The following CDH18 variants were observed in gnomAD, a reference collection of about 807,000 sequenced individuals.
CDH18 encodes the protein cadherin 18.
In CDH18, 31 loss-of-function variants were observed where a neutral mutation model predicts 67.9. That is an observed-to-expected ratio of 0.46 (90% CI 0.34 to 0.62). The LOEUF (loss-of-function observed/expected upper bound fraction) is 0.62, where lower values mean the gene tolerates loss of function less well. Among genes scored for constraint, CDH18 ranks in the 20% least tolerant of loss-of-function variants. The pLI is 0.01. For synonymous variants in CDH18, 362 were observed against 347.2 expected (o/e 1.04, Z -0.48); for missense variants, 890 against 975.5 (o/e 0.91, Z 1.17).
Position 20,400,409 on chromosome 5 carries a change from CGGAG to C in CDH18, c.-579-144908_-579-144905del, listed in dbSNP as rs566458360. Among the ~76,000 whole-genome samples the C allele has an allele frequency of 1.8e-4, 28 of 152,006 alleles. 1 individual carries two copies. The South Asian group carries it at 5.6e-3, about 30-fold the overall frequency. Reference sequence around the variant, plus strand: ...GGGAGAATTGCTTGAAGCCAGGAGACGGAGGTTGCAGTGAGCCGAGATTGTTCCA... The same window carrying C: ...GGGAGAATTGCTTGAAGCCAGGAGACGTTGCAGTGAGCCGAGATTGTTCCA... On this transcript the variant is annotated intron_variant, in intron 1 of 14. Coordinates refer to the CDH18 transcript ENST00000507958.
Position 20,430,416 on chromosome 5 carries a change from G to A in CDH18, c.-580+145046C>T, listed in dbSNP as rs1427325010. 1.3e-5 allele frequency among the ~76,000 whole-genome samples: 2 copies of A among 152,018 alleles called. 1 individual carries two copies. The highest frequency in any genetic ancestry group is 2.9e-5 in the Non-Finnish European group (2 of 67,992). ...ACAAGCTGTCATCATGCTGCTCTGG[G>A]CTTCTATATCCCAGATTCTCACCCA... On this transcript the variant is annotated intron_variant, in intron 1 of 14. Transcript: ENST00000507958.
intron 1 of CDH18, among the ~76,000 whole-genome samples, chr5:20,283,206 T>C (rs1208884952): frequency 6.6e-6 from 1 of 152,116 alleles, no homozygotes; most frequent in Non-Finnish European, 1.5e-5. Flanking sequence ...GGTAGATTTA[T>C]TGAGTAACAC....
intron 1 of CDH18, among the ~76,000 whole-genome samples, chr5:20,416,329 T>C (rs954568749): frequency 2.4e-4 from 36 of 152,272 alleles, no homozygotes; most frequent in Middle Eastern, 6.8e-3. Flanking sequence ...GTCTGTTCTA[T>C]TAATAGAGAA....
chr5:20,481,932 A>G lies in CDH18; in HGVS notation c.-580+93530T>C, dbSNP rs556983345. On this transcript the variant is annotated intron_variant, in intron 1 of 14. Coordinates refer to the CDH18 transcript ENST00000507958. ...AGCAAACCAAACCCAAAATTAGTAG[A>G]AAAAAAGGAATAATAAATATCAGAG... is the stretch of plus-strand genomic sequence containing the variant. 2.6e-5 allele frequency among the ~76,000 whole-genome samples: 4 copies of G among 152,098 alleles called. No homozygotes were observed. In the East Asian group the frequency reaches 7.7e-4, roughly 29 times the overall value.
intron 2 of CDH18, among the ~76,000 whole-genome samples, chr5:20,139,121 T>G (rs1477288550): frequency 6.6e-6 from 1 of 152,050 alleles, no homozygotes; most frequent in Non-Finnish European, 1.5e-5. Flanking sequence ...AACAGAGATA[T>G]AGACCAATGG....
At chr5:19,588,664 C>T (rs80104903) in intron 7 of CDH18, among the ~76,000 whole-genome samples, 6 of 151,822 alleles carry the variant, frequency 4.0e-5, no homozygotes, top group African/African-American at 1.5e-4. Flanking sequence ...ACCCATCTCA[C>T]GTGCAAAGAC....
chr5:20,465,380 ATT>A (rs1191668930), intron 1 of CDH18, among the ~76,000 whole-genome samples: 6 of 152,028 alleles, frequency 3.9e-5, no homozygotes, highest in Admixed American at 3.9e-4. Flanking sequence ...GCAAAAATTT[ATT>A]CTTTCTTTTC....
intron 5 of CDH18, among the ~76,000 whole-genome samples, chr5:19,667,766 T>C (rs908723873): frequency 6.6e-6 from 1 of 151,804 alleles, no homozygotes; most frequent in Admixed American, 6.6e-5. Context: ...TGATGAAATA[T>C]TTTACCAATA....
chr5:20,409,145 A>T (rs573015955), intron 1 of CDH18, among the ~76,000 whole-genome samples: 1 of 151,930 alleles, frequency 6.6e-6, no homozygotes, highest in African/African-American at 2.4e-5. Context: ...AGGAAACATG[A>T]TGTAAGCAAC....
chr5:19,898,778 A>C (rs1012281765), intron 2 of CDH18, among the ~76,000 whole-genome samples: 10 of 152,150 alleles, frequency 6.6e-5, no homozygotes, highest in Non-Finnish European at 1.5e-4. Context: ...CAAAAATATA[A>C]GCAAAAAAAG....
chr5:20,568,029 A>G (rs71610667), intron 1 of CDH18, among the ~76,000 whole-genome samples: 21,159 of 152,178 alleles, frequency 0.14, 1,605 homozygotes, highest in Admixed American at 0.2. Flanking sequence ...GCTATTGTTT[A>G]TATGTCTGTG....
chr5:19,651,603 T>C (rs895252154), intron 5 of CDH18, among the ~76,000 whole-genome samples: 3 of 152,060 alleles, frequency 2.0e-5, no homozygotes, highest in African/African-American at 7.2e-5. Flanking sequence ...TGGAAATTAT[T>C]TGGTAATCTC....
intron 3 of CDH18, among the ~76,000 whole-genome samples, chr5:19,811,146 GAAAGAA>G (rs1341226670): frequency 3.0e-5 from 2 of 66,022 alleles, no homozygotes; most frequent in Non-Finnish European, 6.2e-5. Flanking sequence ...AAGAAAGAAA[GAAAGAA>G]AGAAAGAAGG....
intron 8 of CDH18, among the ~76,000 whole-genome samples, chr5:19,569,251 AG>A (rs1472629219): frequency 6.6e-6 from 1 of 152,148 alleles, no homozygotes; most frequent in Non-Finnish European, 1.5e-5. Context: ...AGGTAACCCA[AG>A]CTCCTCATGT....
intron 2 of CDH18, among the ~76,000 whole-genome samples, chr5:19,869,764 G>T (rs1310727846): frequency 6.6e-6 from 1 of 151,854 alleles, no homozygotes; most frequent in East Asian, 1.9e-4. Context: ...AAAGTATTTG[G>T]GACAGCTAAT....
intron 4 of CDH18, among the ~76,000 whole-genome samples, chr5:19,736,576 T>C (rs529215071): frequency 1.0e-3 from 153 of 152,328 alleles, no homozygotes; most frequent in African/African-American, 3.6e-3. Flanking sequence ...ACGTTGCTTA[T>C]TGTTGCATAG....
Position 19,473,025 on chromosome 5 carries a change from A to G in CDH18, c.*201T>C, listed in dbSNP as rs1737793042. ...CAAGGAACAATAACTTTTTCTTTGTATTGTCTTTTTTTTTTTTTTTTTACT... is the reference window on the plus strand; with the variant it reads ...CAAGGAACAATAACTTTTTCTTTGTGTTGTCTTTTTTTTTTTTTTTTTACT... On this transcript the variant is annotated 3_prime_UTR_variant, in exon 13 of 13. Coordinates refer to ENST00000382275, the MANE Select transcript of CDH18 (RefSeq NM_004934.5). The G allele has an allele frequency of 5.6e-6, 3 of 531,238 alleles. No homozygotes were observed. Among genetic ancestry groups the G allele is most frequent in the Non-Finnish European group, 9.6e-6 (3 of 312,784 alleles). 32.9% of individuals were successfully genotyped at this position (531,238 alleles called of 1,614,324 possible).
upstream of CDH18, among the ~76,000 whole-genome samples, chr5:19,992,818 C>T (rs1800059123): frequency 6.6e-6 from 1 of 151,934 alleles, no homozygotes; most frequent in Non-Finnish European, 1.5e-5. Flanking sequence ...CGTTATAGCC[C>T]ACATGGAGAA....
chr5:20,303,701 A>C (rs1736147788), intron 1 of CDH18, among the ~76,000 whole-genome samples: 1 of 152,102 alleles, frequency 6.6e-6, no homozygotes, highest in African/African-American at 2.4e-5. Context: ...GGTGGACCCC[A>C]AAACCCACGG....
Sources: gnomAD v4.1 joint callset for allele counts (sites outside exome capture counted in the v4.1 genomes callset) on GRCh38, gnomAD v4.1.1 for gene constraint, MANE v1.5 for transcripts, NCBI Gene and HGNC (gene_info 2026-07-23, HGNC 2026-07-21) for gene names.